Variants in AP3B1 observed in about 807,000 individuals in gnomAD.
AP3B1 encodes the protein adaptor related protein complex 3 subunit beta 1, also known as AP-3 complex subunit beta-1.
A neutral mutation model predicts 132.5 loss-of-function variants in AP3B1; 61 were observed. The ratio of observed to expected loss-of-function variants is 0.46; its 90% CI spans 0.37 to 0.57. The LOEUF (loss-of-function observed/expected upper bound fraction) is 0.57, where lower values mean the gene tolerates loss of function less well. Ranked by LOEUF, AP3B1 falls within the 20% of genes least tolerant of loss-of-function variation. The pLI is 0.00. For missense variants in AP3B1, 1,120 were observed against 1,289.4 expected (o/e 0.87, Z 2.01); for synonymous variants, 388 against 438.3 (o/e 0.89, Z 1.43).
intron 22 of AP3B1, among the ~76,000 whole-genome samples, chr5:78,075,611 T>C (rs1749736571): frequency 6.6e-6 from 1 of 152,230 alleles, no homozygotes; most frequent in African/African-American, 2.4e-5. Context: ...AGGAACCTGA[T>C]AGGACAAATG....
Position 78,100,959 on chromosome 5 carries a change from C to T in AP3B1, c.2464G>A (p.Asp822Asn). The T allele has an allele frequency of 6.5e-7, 1 of 1,544,220 alleles. No homozygotes were observed. Among genetic ancestry groups the T allele is most frequent in the Non-Finnish European group, 8.9e-7 (1 of 1,120,984 alleles). ...TTTAAATTACAATACTTACAATCAT[C>T]CAGATCTAGAAGTGAAACATCTTTG... ...LTKDVSLLDL[D>N]DFNPVSTPVA... The change falls in exon 21 of 27, where the codon GAT (aspartate) becomes AAT (asparagine). Residue 822 changes from aspartate to asparagine, a missense_variant. Physicochemically the swap from Asp to Asn is conservative, Grantham distance 23. Coordinates refer to ENST00000255194, the MANE Select transcript of AP3B1 (RefSeq NM_003664.5).
chr5:78,251,298 C>A (rs1321061966), intron 2 of AP3B1, among the ~76,000 whole-genome samples: 1 of 152,130 alleles, frequency 6.6e-6, no homozygotes, highest in East Asian at 1.9e-4. Flanking sequence ...CTCCACCAAT[C>A]GTCCCCCCGA....
chr5:78,263,875 T>G (rs1288657583), intron 2 of AP3B1, among the ~76,000 whole-genome samples: 1 of 152,240 alleles, frequency 6.6e-6, no homozygotes, highest in Admixed American at 6.5e-5. Flanking sequence ...ATAATCTTAT[T>G]GTAAGATTAT....
intron 17 of AP3B1, among the ~76,000 whole-genome samples, chr5:78,123,803 A>T (rs1752338954): frequency 1.3e-5 from 2 of 151,868 alleles, no homozygotes; most frequent in Admixed American, 1.3e-4. Context: ...TTCCTCAGGG[A>T]TCTAGAACTA....
In AP3B1 at chr5:78,046,244, C is replaced by T. The variant is rs763459256; in HGVS notation, c.2578-6970G>A. 2.0e-5 allele frequency among the ~76,000 whole-genome samples: 3 copies of T among 152,154 alleles called. 1 individual carries two copies. Among genetic ancestry groups the T allele is most frequent in the South Asian group, 4.1e-4 (2 of 4,830 alleles). On this transcript the variant is annotated intron_variant, in intron 22 of 26. Transcript: ENST00000255194. ...AGTGGCTGATGAGAGCAAGCATTAC[C>T]GCCTGAGCTCTGCCTCCCGTCAGAT...
At chr5:78,087,034 A>C (rs958729628) in intron 22 of AP3B1, among the ~76,000 whole-genome samples, 1 of 152,212 alleles carries the variant, frequency 6.6e-6, no homozygotes, top group Non-Finnish European at 1.5e-5. Flanking sequence ...CATGAGTTCT[A>C]TATACGAGTG....
chr5:78,207,663 C>G (rs1745565767), intron 7 of AP3B1, among the ~76,000 whole-genome samples: 1 of 151,810 alleles, frequency 6.6e-6, no homozygotes, highest in Non-Finnish European at 1.5e-5. Flanking sequence ...TGAGATGTAA[C>G]CTGATTAATT....
At chr5:78,213,114 C>T (rs1172115721) in intron 7 of AP3B1, among the ~76,000 whole-genome samples, 1 of 151,858 alleles carries the variant, frequency 6.6e-6, no homozygotes, top group Admixed American at 6.6e-5. Flanking sequence ...CTCCTGACCT[C>T]GTGATAAGCC....
At chr5:78,062,704 A>T (rs374672789) in intron 22 of AP3B1, among the ~76,000 whole-genome samples, 1 of 152,210 alleles carries the variant, frequency 6.6e-6, no homozygotes, top group Non-Finnish European at 1.5e-5. Flanking sequence ...ACATAGCACC[A>T]TTTCCTCTGG....
intron 26 of AP3B1, among the ~76,000 whole-genome samples, chr5:78,009,383 C>T (rs544695598): frequency 2.6e-5 from 4 of 151,944 alleles, no homozygotes; most frequent in Admixed American, 2.0e-4. Flanking sequence ...TTGCCTGGGC[C>T]CAGTTCAAGG....
rs565465219 is a variant in AP3B1 at position 78,242,305 on chromosome 5, G to A, written c.205-1369C>T. ...TCAGATCATGGCCCCAGCTTTCTAA[G>A]TTCTCCCCTTCTATCTAAAGCATCA... On this transcript the variant is annotated intron_variant, in intron 2 of 26. Transcript: ENST00000255194. Among the ~76,000 whole-genome samples, 15 of 152,208 alleles carry A rather than the reference G, an allele frequency of 9.9e-5. 2 individuals are homozygous for A. The highest frequency in any genetic ancestry group is 9.8e-4 in the Admixed American group (15 of 15,274).
chr5:78,247,563 T>C (rs1014740939), intron 2 of AP3B1, among the ~76,000 whole-genome samples: 2 of 151,860 alleles, frequency 1.3e-5, no homozygotes, highest in African/African-American at 2.4e-5. Context: ...GTAAGATTAT[T>C]ATGTCTTTTT....
intron 17 of AP3B1, among the ~76,000 whole-genome samples, chr5:78,119,823 T>C (rs529097189): frequency 2.2e-4 from 34 of 152,230 alleles, no homozygotes; most frequent in Middle Eastern, 3.4e-3. Context: ...ACATTCGGAT[T>C]CAGGAAATAC....
chr5:78,006,901 T>G (rs1406450649), intron 26 of AP3B1, among the ~76,000 whole-genome samples: 1 of 152,200 alleles, frequency 6.6e-6, no homozygotes, highest in Non-Finnish European at 1.5e-5. Context: ...TAGGAATTCT[T>G]AAGATTTACG....
chr5:78,168,265 C>T (rs1278382313), intron 11 of AP3B1, among the ~76,000 whole-genome samples: 27 of 148,902 alleles, frequency 1.8e-4, no homozygotes, highest in African/African-American at 3.5e-4. Context: ...ACTCTGTCAC[C>T]GAGGGTGGAG....
At chr5:78,018,726 C>T (rs1296469234) in intron 25 of AP3B1, among the ~76,000 whole-genome samples, 1 of 151,444 alleles carries the variant, frequency 6.6e-6, no homozygotes, top group Non-Finnish European at 1.5e-5. Flanking sequence ...TGCATTTTAC[C>T]TTCCAGAATT....
At chr5:78,227,304 G>C in intron 5 of AP3B1, 68 bp downstream of exon 5, 1 of 1,488,320 alleles carries the variant, frequency 6.7e-7, no homozygotes, top group Non-Finnish European at 9.4e-7. Flanking sequence ...AATAAAACAA[G>C]CCTCTGTGGT....
chr5:78,213,026 C>T (rs968723589), intron 7 of AP3B1, among the ~76,000 whole-genome samples: 4 of 151,870 alleles, frequency 2.6e-5, no homozygotes, highest in African/African-American at 9.7e-5. Context: ...TACAGGTGCC[C>T]GCCACCGTGC....
At chr5:78,118,642 G>A (rs1347576660) in intron 17 of AP3B1, among the ~76,000 whole-genome samples, 4 of 152,242 alleles carry the variant, frequency 2.6e-5, no homozygotes, top group African/African-American at 9.6e-5. Flanking sequence ...GCCTGCCATT[G>A]CCCAGGCTTG....
Sources: allele counts gnomAD v4.1 joint callset (sites outside exome capture counted in the v4.1 genomes callset), GRCh38; gene constraint gnomAD v4.1.1; transcripts MANE v1.5; gene names NCBI Gene and HGNC (gene_info 2026-07-23, HGNC 2026-07-21).